The following ZCCHC10 variants were observed in gnomAD, a reference collection of about 807,000 sequenced individuals.
ZCCHC10 encodes zinc finger CCHC-type containing 10.
In ZCCHC10, 16 loss-of-function variants were observed where a neutral mutation model predicts 19.5. The ratio of observed to expected loss-of-function variants is 0.82; its 90% CI spans 0.56 to 1.25. ZCCHC10 has a LOEUF of 1.25. Among genes scored for constraint, ZCCHC10 ranks in the 50% most tolerant of loss-of-function variants. ZCCHC10 has a pLI of 0.00. For missense variants in ZCCHC10, 197 were observed against 201.0 expected, an observed-to-expected ratio of 0.98 and a Z score of 0.12; for synonymous variants, 67 against 72.5, an observed-to-expected ratio of 0.92 and a Z score of 0.38.
At chr5:133,026,363 C>A (rs1442782925) in intron 1 of ZCCHC10, 134 bp downstream of exon 1, 8 of 1,271,438 alleles carry the variant, frequency 6.3e-6, no homozygotes, top group Non-Finnish European at 8.9e-6. Context: ...CGGGCCCGAG[C>A]CCCCCGGGAG....
chr5:133,016,299 T>C (rs1449456902), intron 2 of ZCCHC10, among the ~76,000 whole-genome samples: 1 of 152,222 alleles, frequency 6.6e-6, no homozygotes, highest in Non-Finnish European at 1.5e-5. Flanking sequence ...CTGTCAAATA[T>C]ACATACTTAC....
intron 2 of ZCCHC10, among the ~76,000 whole-genome samples, chr5:133,008,147 C>A (rs1208030029): frequency 6.7e-6 from 1 of 149,370 alleles, no homozygotes; most frequent in African/African-American, 2.5e-5. Flanking sequence ...ATGGTGTGAA[C>A]CTGGGAGGCA....
At chr5:132,998,938 CAG>C (rs1762595914) in intron 4 of ZCCHC10, 88 bp from the exon 5 acceptor site, 5 of 1,522,554 alleles carry the variant, frequency 3.3e-6, no homozygotes, top group Non-Finnish European at 4.4e-6. Flanking sequence ...CTTTTCGAGA[CAG>C]AGTCTTGCTC....
intron 3 of ZCCHC10, chr5:133,003,290 TC>T (rs1762892906): frequency 2.2e-6 from 1 of 457,666 alleles, no homozygotes; most frequent in African/African-American, 2.0e-5. Flanking sequence ...ACAAACTGGG[TC>T]CCAATGATCA....
intron 2 of ZCCHC10, among the ~76,000 whole-genome samples, chr5:133,010,792 C>CA: frequency 6.7e-6 from 1 of 148,702 alleles, no homozygotes; most frequent in East Asian, 2.0e-4. Flanking sequence ...TTAAAAGGAA[C>CA]TTTTTTTTTT....
At chr5:133,000,279 T>C in intron 3 of ZCCHC10, 106 bp from the exon 4 acceptor site, 1 of 1,311,642 alleles carries the variant, frequency 7.6e-7, no homozygotes, top group Non-Finnish European at 1.1e-6. Context: ...GGAGAAAGAT[T>C]CTGTGTTTTT....
At chr5:133,003,264 TA>T in intron 3 of ZCCHC10, 1 of 451,908 alleles carries the variant, frequency 2.2e-6, no homozygotes, top group Non-Finnish European at 4.4e-6. Context: ...ACAGAAAGAC[TA>T]ACCCAGAGCC....
rs371529227 is a variant in ZCCHC10 at position 133,006,748 on chromosome 5, T to C, written c.269+11A>G. The C allele has an allele frequency of 1.9e-6, 3 of 1,597,040 alleles. No individual in the cohort carries two copies. The highest frequency in any genetic ancestry group is 1.8e-5 in the Admixed American group (1 of 56,944). On this transcript the variant is annotated intron_variant, in intron 3 of 4. Coordinates refer to ENST00000509437, the MANE Select transcript of ZCCHC10 (RefSeq NM_001300816.3). ...AAAAAATATTCCTTTGGATACCACA[T>C]GTAAACCTACCTTTGTTGCAATAAT...
chr5:133,006,567 G>A (rs1266839443), intron 3 of ZCCHC10, among the ~76,000 whole-genome samples, 192 bp downstream of exon 3: 1 of 152,050 alleles, frequency 6.6e-6, no homozygotes, highest in Non-Finnish European at 1.5e-5. Flanking sequence ...CCTTAATAGT[G>A]TAGATATCAG....
At chr5:133,001,018 A>C (rs1226664142) in intron 3 of ZCCHC10, among the ~76,000 whole-genome samples, 1 of 152,166 alleles carries the variant, frequency 6.6e-6, no homozygotes, top group Non-Finnish European at 1.5e-5. Flanking sequence ...AAAGTCTGGT[A>C]AATTTGAATG....
chr5:133,009,930 T>C (rs1192568715), intron 2 of ZCCHC10, among the ~76,000 whole-genome samples: 1 of 149,466 alleles, frequency 6.7e-6, no homozygotes, highest in Non-Finnish European at 1.5e-5. Context: ...GAAATAAACC[T>C]GTCATTTCTT....
intron 2 of ZCCHC10, among the ~76,000 whole-genome samples, chr5:133,012,080 T>C (rs1195446299): frequency 7.7e-6 from 1 of 130,130 alleles, no homozygotes; most frequent in Non-Finnish European, 1.5e-5. Flanking sequence ...GAGGTTGCAG[T>C]GAACCAAGAT....
intron 1 of ZCCHC10, among the ~76,000 whole-genome samples, chr5:133,026,210 T>C (rs973614050): frequency 6.6e-6 from 1 of 152,154 alleles, no homozygotes; most frequent in African/African-American, 2.4e-5. Context: ...GGGGCATAAA[T>C]CACTGAGTGA....
intron 1 of ZCCHC10, among the ~76,000 whole-genome samples, chr5:133,024,970 C>T (rs1764574207): frequency 4.6e-5 from 7 of 152,024 alleles, no homozygotes; most frequent in Admixed American, 4.6e-4. Flanking sequence ...TACTCTAACT[C>T]CCTAAGTCTG....
chr5:133,005,419 C>A (rs1004822552), intron 3 of ZCCHC10, among the ~76,000 whole-genome samples: 1 of 152,032 alleles, frequency 6.6e-6, no homozygotes. Flanking sequence ...TTGAGACCAC[C>A]CTGGGCAACA....
chr5:133,024,629 C>T (rs1764546127), intron 1 of ZCCHC10, among the ~76,000 whole-genome samples: 1 of 152,170 alleles, frequency 6.6e-6, no homozygotes, highest in Non-Finnish European at 1.5e-5. Context: ...ATGGTGGGCG[C>T]AGTGGCTCAT....
chr5:133,019,907 G>A (rs917296501), intron 2 of ZCCHC10, among the ~76,000 whole-genome samples: 1 of 148,604 alleles, frequency 6.7e-6, no homozygotes, highest in Non-Finnish European at 1.5e-5. Context: ...AGCTGAAATC[G>A]TGCCTCTGCA....
At chr5:133,004,465 C>T (rs560463877) in intron 3 of ZCCHC10, among the ~76,000 whole-genome samples, 93 of 150,596 alleles carry the variant, frequency 6.2e-4, no homozygotes, top group African/African-American at 1.9e-3. Context: ...TGAGCCACCG[C>T]GCCCGGCTTA....
At position 132,998,997 on chromosome 5, in the gene ZCCHC10, C is replaced by T. The variant is rs540863009; in HGVS notation, c.312-147G>A. 5.1e-4 allele frequency: 546 copies of T among 1,063,616 alleles called. 3 individuals are homozygous for T. The highest frequency in any genetic ancestry group is 1.1e-3 in the South Asian group (67 of 58,616). The allele number at this position is 1,063,616 out of a possible 1,614,324, so 65.9% of individuals were successfully genotyped here. A position where few individuals can be genotyped will look rare whatever the true frequency, so the allele number is the denominator to read the frequency against. ...GTGGCACAATCTCAGCTCACTGCAACCTCTGCCTCCCAGGTTCAAGAAATT... is the reference window on the plus strand; with the variant it reads ...GTGGCACAATCTCAGCTCACTGCAATCTCTGCCTCCCAGGTTCAAGAAATT... On this transcript the variant is annotated intron_variant, in intron 4 of 4. Coordinates refer to ENST00000509437, the MANE Select transcript of ZCCHC10 (RefSeq NM_001300816.3).
Sources: gnomAD v4.1 joint callset for allele counts (sites outside exome capture counted in the v4.1 genomes callset) on GRCh38, gnomAD v4.1.1 for gene constraint, MANE v1.5 for transcripts, NCBI Gene and HGNC (gene_info 2026-07-23, HGNC 2026-07-21) for gene names.